FAAH2: variants seen among roughly 807,000 people sequenced by gnomAD.
FAAH2 encodes the protein fatty-acid amide hydrolase 2.
A neutral mutation model predicts 36.9 loss-of-function variants in FAAH2; 60 were observed. The ratio of observed to expected loss-of-function variants is 1.63; its 90% CI spans 1.32 to 2.02. The LOEUF (loss-of-function observed/expected upper bound fraction) is 2.02. Ranked by LOEUF, FAAH2 falls within the 30% of genes most tolerant of loss-of-function variation. The pLI is 0.00. For synonymous variants in FAAH2, 214 were observed against 143.8 expected (o/e 1.49, Z -3.49); for missense variants, 689 against 397.5 (o/e 1.73, Z -6.23).
At chrX:57,375,261 C>A (rs1325820813) in intron 5 of FAAH2, among the ~76,000 whole-genome samples, 2 of 104,477 alleles carry the variant, frequency 1.9e-5, no homozygotes, top group Non-Finnish European at 3.9e-5. Flanking sequence ...AGGATTCCTT[C>A]TTTCTCTATC....
intron 7 of FAAH2, among the ~76,000 whole-genome samples, chrX:57,405,399 G>A (rs2055542321): frequency 9.0e-6 from 1 of 111,025 alleles, no homozygotes. Context: ...CCAGCAACTA[G>A]TGTTCAGCTT....
At chrX:57,254,660 G>A in the FAAH2 span, among the ~76,000 whole-genome samples, 1 of 111,665 alleles carries the variant, frequency 9.0e-6, no homozygotes, top group African/African-American at 3.3e-5. Flanking sequence ...TGAAAAATTT[G>A]CTCCTGAATG....
At chrX:57,232,177 C>G in the FAAH2 span, among the ~76,000 whole-genome samples, 1 of 112,010 alleles carries the variant, frequency 8.9e-6, no homozygotes, top group Middle Eastern at 4.6e-3. Context: ...GACTGACAGT[C>G]TGAATCACAG....
At chrX:57,328,014 T>G (rs1168762065) in intron 3 of FAAH2, among the ~76,000 whole-genome samples, 1 of 111,783 alleles carries the variant, frequency 8.9e-6, no homozygotes, top group Non-Finnish European at 1.9e-5. Flanking sequence ...CAGATGGGTT[T>G]TTGGTGTGGA....
At chrX:57,476,581 G>A (rs1476126735) in intron 10 of FAAH2, among the ~76,000 whole-genome samples, 6 of 111,022 alleles carry the variant, frequency 5.4e-5, no homozygotes, top group Non-Finnish European at 9.4e-5. Flanking sequence ...TGCTGAGTCC[G>A]TTTTGCCAGT....
At chrX:57,385,234 C>A (rs771550676) in intron 7 of FAAH2, among the ~76,000 whole-genome samples, 11 of 99,071 alleles carry the variant, frequency 1.1e-4, no homozygotes, top group African/African-American at 4.2e-4. Context: ...ACATATGTAA[C>A]AAACCTGCAT....
At chrX:57,350,733 A>T (rs1388989111) in intron 5 of FAAH2, among the ~76,000 whole-genome samples, 3 of 111,181 alleles carry the variant, frequency 2.7e-5, no homozygotes, top group Non-Finnish European at 5.7e-5. Flanking sequence ...ACAGACATTA[A>T]GTCAAAAACA....
the FAAH2 span, among the ~76,000 whole-genome samples, chrX:57,248,332 A>C: frequency 8.9e-6 from 1 of 112,161 alleles, no homozygotes; most frequent in Non-Finnish European, 1.9e-5. Context: ...ATAGAGATAC[A>C]TACAGGGAAC....
intron 2 of FAAH2, among the ~76,000 whole-genome samples, chrX:57,300,241 A>G (rs779492172): frequency 8.9e-6 from 1 of 111,783 alleles, no homozygotes; most frequent in Non-Finnish European, 1.9e-5. Flanking sequence ...ACAGTATGGT[A>G]CTGGTACCAA....
At chrX:57,319,779 G>A (rs893372778) in intron 3 of FAAH2, among the ~76,000 whole-genome samples, 2 of 111,850 alleles carry the variant, frequency 1.8e-5, no homozygotes, top group African/African-American at 6.5e-5. Context: ...TATACTACAA[G>A]GCTACAGTAA....
chrX:57,362,574 C>T (rs1299545548), intron 5 of FAAH2, among the ~76,000 whole-genome samples: 1 of 111,621 alleles, frequency 9.0e-6, no homozygotes, highest in East Asian at 2.8e-4. Flanking sequence ...TTGATGGTTT[C>T]TTTTGCTGTG....
intron 10 of FAAH2, among the ~76,000 whole-genome samples, chrX:57,458,774 G>A (rs1332633449): frequency 8.9e-6 from 1 of 111,946 alleles, no homozygotes; most frequent in Non-Finnish European, 1.9e-5. Flanking sequence ...CTGAGAGACT[G>A]GGCTATCCAG....
At position 57,292,537 on chromosome X, in the gene FAAH2, A is replaced by G; in HGVS notation, c.232A>G (p.Ile78Val). The change falls in exon 2 of 11, where the codon ATC (isoleucine) becomes GTC (valine). Residue 78 changes from isoleucine to valine, a missense_variant. Transcript: ENST00000374900. ...TGTTGTTCAGGCTTATATCAACAGA[A>G]TCAAGGACGTGAACCCAATGATCAA... ...IDVVQAYINR[I>V]KDVNPMINGI... 8.3e-7 allele frequency: 1 copy of G among 1,210,581 alleles called. No individual in the cohort carries two copies. The highest frequency in any genetic ancestry group is 1.1e-6 in the Non-Finnish European group (1 of 894,734).
chrX:57,382,469 C>T (rs1003103424), intron 7 of FAAH2, among the ~76,000 whole-genome samples: 19 of 111,270 alleles, frequency 1.7e-4, no homozygotes, highest in Admixed American at 3.8e-4. Flanking sequence ...ATCAAATAGA[C>T]GCAATAAAAA....
At chrX:57,356,291 ATAT>A (rs2147122185) in intron 5 of FAAH2, among the ~76,000 whole-genome samples, 1 of 110,847 alleles carries the variant, frequency 9.0e-6, no homozygotes, top group South Asian at 3.7e-4. Context: ...GAGTTTGGAA[ATAT>A]TATATTCAAT....
chrX:57,162,213 T>C, the FAAH2 span, among the ~76,000 whole-genome samples: 101 of 112,122 alleles, frequency 9.0e-4, no homozygotes, highest in African/African-American at 3.0e-3. Context: ...GTTTGTAGGG[T>C]TTCTGCCGAG....
At chrX:57,301,558 C>T (rs1257206295) in intron 2 of FAAH2, among the ~76,000 whole-genome samples, 1 of 107,919 alleles carries the variant, frequency 9.3e-6, no homozygotes, top group Non-Finnish European at 1.9e-5. Flanking sequence ...CGCATGTATA[C>T]ATATGTAACA....
intron 6 of FAAH2, among the ~76,000 whole-genome samples, chrX:57,380,326 T>C (rs763844967): frequency 9.0e-5 from 10 of 111,534 alleles, no homozygotes; most frequent in Admixed American, 6.7e-4. Flanking sequence ...CCTCTTCAGC[T>C]CACTTTTTTC....
intron 5 of FAAH2, among the ~76,000 whole-genome samples, chrX:57,358,569 G>A (rs189278925): frequency 5.4e-5 from 6 of 111,335 alleles, no homozygotes. Flanking sequence ...ATGTGTGTGT[G>A]TGTATATATA....
Sources: gnomAD v4.1 joint callset for allele counts (sites outside exome capture counted in the v4.1 genomes callset) on GRCh38, gnomAD v4.1.1 for gene constraint, MANE v1.5 for transcripts, NCBI Gene and HGNC (gene_info 2026-07-23, HGNC 2026-07-21) for gene names.